OLFM1: variants seen among roughly 807,000 people sequenced by gnomAD.
OLFM1 encodes the protein olfactomedin 1, also known as noelin.
A neutral mutation model predicts 49.7 loss-of-function variants in OLFM1; 9 were observed. The ratio of observed to expected loss-of-function variants is 0.18; its 90% CI spans 0.11 to 0.32. The LOEUF (loss-of-function observed/expected upper bound fraction) is 0.32. OLFM1 is among the 10% of genes least tolerant of loss of function. The pLI, the probability that OLFM1 is intolerant of heterozygous loss-of-function variation, is 1.00. For synonymous variants in OLFM1, 240 were observed against 271.8 expected (o/e 0.88, Z 1.15); for missense variants, 369 against 661.8 (o/e 0.56, Z 4.85).
chr9:135,084,186 C>A (rs1830566565), upstream of OLFM1, among the ~76,000 whole-genome samples: 1 of 152,260 alleles, frequency 6.6e-6, no homozygotes, highest in Non-Finnish European at 1.5e-5. This position sits in a 1 kb window ranked among gnomAD's most constrained non-coding sequence, Gnocchi z 4.6. Flanking sequence ...CCTTTCCTTG[C>A]TCCTGGAATG....
rs576335910 is a variant in OLFM1, at chr9:135,107,223, G to A, written c.783+368G>A. On this transcript the variant is annotated intron_variant, in intron 5 of 5. Transcript: ENST00000371793. ...GCCGAAACCCAGCCCTGACTTTTCC[G>A]GTCCTTGCATCTGCTTCAGGAAGAG... Among the ~76,000 whole-genome samples the A allele has an allele frequency of 9.8e-5, 15 of 152,304 alleles. No homozygotes were observed. In the East Asian group the frequency reaches 2.5e-3, roughly 26 times the overall value.
Position 135,079,706 on chromosome 9 carries a change from G to A in OLFM1, c.96+3904G>A, listed in dbSNP as rs371618931. Among the ~76,000 whole-genome samples the A allele has an allele frequency of 7.5e-4, 114 of 152,274 alleles. 2 individuals carry two copies. The South Asian group carries it at 0.021, about 28-fold the overall frequency. On this transcript the variant is annotated intron_variant, in intron 1 of 5. Coordinates refer to the OLFM1 transcript ENST00000252854. ...CTCTCACATCCAATGCTCAATCCACGTGGGTTGAGGGTATTTGAAGTGTTT... is the reference window on the plus strand; with the variant it reads ...CTCTCACATCCAATGCTCAATCCACATGGGTTGAGGGTATTTGAAGTGTTT...
At chr9:135,085,667 C>T (rs189845394), upstream of OLFM1, among the ~76,000 whole-genome samples, 23 of 152,382 alleles carry the variant, frequency 1.5e-4, no homozygotes, top group Admixed American at 1.2e-3. Flanking sequence ...ATTGAAAGTC[C>T]TCTTTAGGAA....
chr9:135,091,156 C>T (rs1830680117), intron 2 of OLFM1, among the ~76,000 whole-genome samples: 1 of 152,208 alleles, frequency 6.6e-6, no homozygotes, highest in African/African-American at 2.4e-5. Flanking sequence ...GTTCAGTCTC[C>T]TCCACTCCCC....
chr9:135,078,318 T>C (rs1293074231), intron 1 of OLFM1, among the ~76,000 whole-genome samples: 2 of 152,200 alleles, frequency 1.3e-5, no homozygotes, highest in Admixed American at 1.3e-4. Flanking sequence ...AGGGCCACTG[T>C]GTTTCTAAAT....
chr9:135,118,852 C>CTTTGGAGTGCTCACT (rs1831140724), intron 5 of OLFM1, among the ~76,000 whole-genome samples: 1 of 72,532 alleles, frequency 1.4e-5, no homozygotes, highest in African/African-American at 6.2e-5. Context: ...GAGTGCTCAC[C>CTTTGGAGTGCTCACT]GGGTCTTTGG....
At chr9:135,101,200 T>A (rs183662954) in intron 4 of OLFM1, among the ~76,000 whole-genome samples, 1 of 152,056 alleles carries the variant, frequency 6.6e-6, no homozygotes, top group Non-Finnish European at 1.5e-5. Context: ...TCCTGGGTGG[T>A]GAGGGCTTCT....
rs539608109 is a variant in OLFM1 at position 135,113,829 on chromosome 9, G to A, written c.784-5675G>A. On this transcript the variant is annotated intron_variant, in intron 5 of 5. Coordinates refer to ENST00000371793, the MANE Select transcript of OLFM1 (RefSeq NM_001282611.2). This position sits in a 1 kb window ranked among gnomAD's most constrained non-coding sequence, Gnocchi z 4.0. ...CAAGAGGTGCCCTGTGGCTGCTGCAGGAGCTCCCACAGCCTGGGGGGCACC... is the reference window on the plus strand; with the variant it reads ...CAAGAGGTGCCCTGTGGCTGCTGCAAGAGCTCCCACAGCCTGGGGGGCACC... Among the ~76,000 whole-genome samples the A allele has an allele frequency of 1.1e-4, 16 of 152,342 alleles. No homozygotes were observed. In the South Asian group the frequency reaches 3.3e-3, roughly 32 times the overall value.
At chr9:135,076,552 G>A (rs1830468761) in intron 1 of OLFM1, 3 of 1,140,740 alleles carry the variant, frequency 2.6e-6, no homozygotes, top group Non-Finnish European at 3.6e-6. Flanking sequence ...GGAGGAGAAG[G>A]GCTGTCTGTG....
intron 4 of OLFM1, among the ~76,000 whole-genome samples, chr9:135,100,373 G>A (rs1324115527): frequency 6.6e-6 from 1 of 152,224 alleles, no homozygotes; most frequent in Non-Finnish European, 1.5e-5. Flanking sequence ...TGGGTCTTGT[G>A]AAAGAGATCA....
At chr9:135,075,849 G>A in intron 1 of OLFM1, 1 of 1,542,590 alleles carries the variant, frequency 6.5e-7, no homozygotes, top group Admixed American at 1.9e-5. Flanking sequence ...CGCCCGGCCC[G>A]GCCCCTCGGG....
chr9:135,109,400 C>T (rs1439696238), intron 5 of OLFM1, among the ~76,000 whole-genome samples: 3 of 152,088 alleles, frequency 2.0e-5, no homozygotes, highest in African/African-American at 4.8e-5. Flanking sequence ...ATGACTGGAT[C>T]GCCCTCCAGG....
upstream of OLFM1, among the ~76,000 whole-genome samples, chr9:135,084,097 G>A (rs996612157): frequency 3.9e-5 from 6 of 152,250 alleles, no homozygotes; most frequent in Non-Finnish European, 7.3e-5. The surrounding 1 kb of genome is among the most constrained non-coding windows in gnomAD (Gnocchi z 4.6). Flanking sequence ...GAAGACCCAT[G>A]CTGGTCTTCT....
rs1172824161 is a variant in OLFM1, at chr9:135,120,969, A to T, written c.*791A>T. The T allele has an allele frequency of 6.6e-6, 1 of 152,590 alleles. No individual in the cohort carries two copies. Among genetic ancestry groups the T allele is most frequent in the African/African-American group, 2.4e-5 (1 of 41,464 alleles). The allele number at this position is 152,590 out of a possible 1,614,324, so 9.5% of individuals were successfully genotyped here. On this transcript the variant is annotated 3_prime_UTR_variant, in exon 6 of 6. Coordinates refer to ENST00000371793, the MANE Select transcript of OLFM1 (RefSeq NM_001282611.2). The stretch of plus-strand genomic sequence containing the variant: ...TAGAGACATAGTCAAGTTCATGTTG[A>T]TAATAATCAAAGGAATTACTCTCTT...
At chr9:135,118,411 T>G (rs113304279) in intron 5 of OLFM1, among the ~76,000 whole-genome samples, 52,232 of 102,116 alleles carry the variant, frequency 0.51, 11,733 homozygotes, top group African/African-American at 0.69. Context: ...GTGCTCGCTG[T>G]GTCTTTGGAG....
chr9:135,107,516 G>A (rs970489527), intron 5 of OLFM1, among the ~76,000 whole-genome samples: 10 of 152,170 alleles, frequency 6.6e-5, no homozygotes, highest in Non-Finnish European at 7.4e-5. Context: ...GGTGAGGCCC[G>A]GCCTCGCTCG....
At chr9:135,111,719 C>CT (rs980724036) in intron 5 of OLFM1, among the ~76,000 whole-genome samples, 183 of 151,494 alleles carry the variant, frequency 1.2e-3, no homozygotes, top group Non-Finnish European at 2.9e-4. Flanking sequence ...TTAGGATATT[C>CT]TTTTTTTTTG....
At chr9:135,089,664 T>C (rs1830653101) in intron 1 of OLFM1, among the ~76,000 whole-genome samples, 2 of 152,208 alleles carry the variant, frequency 1.3e-5, no homozygotes, top group Non-Finnish European at 2.9e-5. Context: ...ATCACAGCTC[T>C]GGGCGAATAG....
In OLFM1 at chr9:135,089,784, A is replaced by G. The variant is rs114105753; in HGVS notation, c.151-411A>G. On this transcript the variant is annotated intron_variant, in intron 1 of 5. Transcript: ENST00000371793. ...CCCGTGCTTGACTTACGGGAAGGAT[A>G]TCCTGTTTCTGAAATACGTGCCCGC... Among the ~76,000 whole-genome samples the G allele has an allele frequency of 4.6e-3, 700 of 152,200 alleles. 2 individuals carry two copies. Among genetic ancestry groups the G allele is most frequent in the African/African-American group, 0.016 (666 of 41,522 alleles).
Sources: gnomAD v4.1 joint callset for allele counts (sites outside exome capture counted in the v4.1 genomes callset) on GRCh38, gnomAD v4.1.1 for gene constraint, Gnocchi (gnomAD v3.1) non-coding constraint, MANE v1.5 for transcripts, NCBI Gene and HGNC (gene_info 2026-07-23, HGNC 2026-07-21) for gene names.